The following FLI1 variants were observed in gnomAD, a reference collection of about 807,000 sequenced individuals.
FLI1 encodes the protein Friend leukemia integration 1 transcription factor.
FLI1 carries 13 observed loss-of-function variants against 53.1 expected under a neutral mutation model. That is an observed-to-expected ratio of 0.24 (90% confidence interval 0.16 to 0.39). The LOEUF is 0.39. Among genes scored for constraint, FLI1 ranks in the 10% least tolerant of loss-of-function variants. The probability of loss-of-function intolerance (pLI) is 1.00; values close to 1 mark genes in which losing one functional copy is unlikely to be tolerated. For synonymous variants in FLI1, 244 were observed against 236.7 expected (o/e 1.03, Z -0.28); for missense variants, 424 against 600.5 (o/e 0.71, Z 3.07).
At chr11:128,754,729 G>A (rs1355725304) in intron 1 of FLI1, among the ~76,000 whole-genome samples, 1 of 152,220 alleles carries the variant, frequency 6.6e-6, no homozygotes, top group Non-Finnish European at 1.5e-5. Context: ...ATCCAGCCAG[G>A]GAGCGCACAA....
At chr11:128,762,485 A>G (rs1182203399) in intron 2 of FLI1, among the ~76,000 whole-genome samples, 2 of 152,216 alleles carry the variant, frequency 1.3e-5, no homozygotes, top group Non-Finnish European at 2.9e-5. Context: ...TAAACCACAT[A>G]CTGGATTTAG....
chr11:128,783,214 C>T lies in FLI1; in HGVS notation c.655+1191C>T, dbSNP rs77357079. On this transcript the variant is annotated intron_variant, in intron 5 of 8. Coordinates refer to ENST00000527786, the MANE Select transcript of FLI1 (RefSeq NM_002017.5). ...AAAACCTTTCAGAGAAACAAAGGCT[C>T]TTCTAAGGGAAGGACCATTTGGCTT... Among the ~76,000 whole-genome samples, 862 of 152,324 alleles carry T rather than the reference C, an allele frequency of 5.7e-3. 18 individuals are homozygous for T. Among genetic ancestry groups the T allele is most frequent in the African/African-American group, 0.019 (795 of 41,572 alleles).
chr11:128,755,476 G>T (rs758353653), intron 1 of FLI1, among the ~76,000 whole-genome samples: 3 of 152,220 alleles, frequency 2.0e-5, no homozygotes, highest in Non-Finnish European at 4.4e-5. Context: ...TGTGTCCTCT[G>T]CTTCCAGTGC....
intron 1 of FLI1, among the ~76,000 whole-genome samples, chr11:128,750,762 G>A (rs1270390678): frequency 6.6e-6 from 1 of 152,140 alleles, no homozygotes; most frequent in Non-Finnish European, 1.5e-5. Flanking sequence ...TTAATCTAAG[G>A]AAAACAAATG....
In FLI1 at chr11:128,809,217, T is replaced by G. The variant is rs1942869995; in HGVS notation, c.829+13T>G. On this transcript the variant is annotated intron_variant, in intron 8 of 8. Transcript: ENST00000527786. The stretch of plus-strand genomic sequence containing the variant: ...CTAGCCAACCCTGGTGAGTTTACCT[T>G]GGCCTGCAAGCCTTTTTTGCCAGAA... 1 of 1,612,958 alleles carries G rather than the reference T, an allele frequency of 6.2e-7. No individual in the cohort carries two copies. The highest frequency in any genetic ancestry group is 8.5e-7 in the Non-Finnish European group (1 of 1,178,888).
chr11:128,772,575 G>A (rs1035671158), intron 3 of FLI1, among the ~76,000 whole-genome samples: 10 of 152,346 alleles, frequency 6.6e-5, no homozygotes, highest in African/African-American at 2.4e-4. Flanking sequence ...AGGCAGCTAA[G>A]CACCTCCCTG....
upstream of FLI1, among the ~76,000 whole-genome samples, chr11:128,690,955 GA>G (rs540625934): frequency 3.7e-4 from 56 of 152,202 alleles, no homozygotes; most frequent in Non-Finnish European, 6.6e-4. Context: ...GGTAAGCCAG[GA>G]AAGAGGGTGT....
chr11:128,768,250 G>A lies in FLI1; in HGVS notation c.363G>A (p.Glu121=). 1 of 1,613,942 alleles carries A rather than the reference G, an allele frequency of 6.2e-7. No homozygotes were observed. Among genetic ancestry groups the A allele is most frequent in the African/African-American group, 1.3e-5 (1 of 75,034 alleles). ...CTCCTCCCAACATGACCACCAACGA[G>A]AGGAGAGTCATCGTCCCCGCAGGTA... ...GPPPPNMTTN[E]RRVIVPADPT... Residue 121 remains glutamate, a synonymous_variant, in exon 3 of 9, where the codon GAG becomes GAA. Transcript: ENST00000527786.
chr11:128,802,395 C>A (rs1942659407), intron 5 of FLI1, among the ~76,000 whole-genome samples: 1 of 152,174 alleles, frequency 6.6e-6, no homozygotes, highest in Non-Finnish European at 1.5e-5. Context: ...ATTTTCCATG[C>A]AAATACTTGG....
At chr11:128,714,815 T>TCTC (rs1463660191) in intron 1 of FLI1, among the ~76,000 whole-genome samples, 3 of 150,760 alleles carry the variant, frequency 2.0e-5, no homozygotes, top group Admixed American at 6.6e-5. Flanking sequence ...TTCAAGCAAT[T>TCTC]CTCCTGCCTC....
intron 6 of FLI1, chr11:128,806,919 A>T (rs1942796517): frequency 2.9e-6 from 1 of 347,108 alleles, no homozygotes; most frequent in African/African-American, 2.1e-5. Flanking sequence ...AAATTTTAAG[A>T]ATTTAAAAAT....
chr11:128,717,361 T>A (rs1939059200), intron 1 of FLI1, among the ~76,000 whole-genome samples: 1 of 152,198 alleles, frequency 6.6e-6, no homozygotes, highest in Non-Finnish European at 1.5e-5. Context: ...TCGTGTGACA[T>A]TTATTTCATA....
At chr11:128,753,900 T>G (rs1565482892) in intron 1 of FLI1, among the ~76,000 whole-genome samples, 1 of 152,174 alleles carries the variant, frequency 6.6e-6, no homozygotes, top group Non-Finnish European at 1.5e-5. Flanking sequence ...GGCATGGTCT[T>G]GGGGTGCTCC....
At chr11:128,738,777 A>T (rs1331349708) in intron 1 of FLI1, among the ~76,000 whole-genome samples, 1 of 152,178 alleles carries the variant, frequency 6.6e-6, no homozygotes, top group African/African-American at 2.4e-5. Context: ...TGTCCAGCCC[A>T]TCCTTTTTAT....
At chr11:128,807,103 A>T in intron 6 of FLI1, 77 bp from the exon 7 acceptor site, 1 of 786,126 alleles carries the variant, frequency 1.3e-6, no homozygotes, top group Non-Finnish European at 2.0e-6. Context: ...TGAGTGAGAA[A>T]GCACATCTGT....
At chr11:128,727,151 A>G (rs663939) in intron 1 of FLI1, among the ~76,000 whole-genome samples, 99,155 of 152,112 alleles carry the variant, frequency 0.65, 32,387 homozygotes, top group Admixed American at 0.72. Flanking sequence ...AGCACACTTC[A>G]GAATCAGATC....
At chr11:128,690,987 G>A (rs1470302247), upstream of FLI1, among the ~76,000 whole-genome samples, 1 of 152,170 alleles carries the variant, frequency 6.6e-6, no homozygotes, top group Non-Finnish European at 1.5e-5. Flanking sequence ...GTGGGCAGGG[G>A]CAGCCTTCCC....
intron 1 of FLI1, among the ~76,000 whole-genome samples, chr11:128,739,590 G>T (rs942055411): frequency 7.2e-5 from 11 of 152,314 alleles, no homozygotes; most frequent in Non-Finnish European, 1.3e-4. Context: ...GAGTGGGACA[G>T]TGGGAGGGAG....
intron 1 of FLI1, among the ~76,000 whole-genome samples, chr11:128,742,211 G>A (rs1244291877): frequency 6.6e-6 from 1 of 152,130 alleles, no homozygotes; most frequent in Non-Finnish European, 1.5e-5. Flanking sequence ...CCAGTTCCAT[G>A]GAGGAAAAGT....
Sources: gnomAD v4.1 joint callset for allele counts (sites outside exome capture counted in the v4.1 genomes callset) on GRCh38, gnomAD v4.1.1 for gene constraint, MANE v1.5 for transcripts, NCBI Gene and HGNC (gene_info 2026-07-23, HGNC 2026-07-21) for gene names.